The following PPM1H variants were observed in gnomAD, a reference collection of about 807,000 sequenced individuals.
PPM1H encodes protein phosphatase, Mg2+/Mn2+ dependent 1H.
PPM1H carries 27 observed loss-of-function variants against 54.9 expected under a neutral mutation model. The ratio of observed to expected loss-of-function variants is 0.49; its 90% confidence interval spans 0.36 to 0.68. The LOEUF is 0.68. Among genes scored for constraint, PPM1H ranks in the 30% least tolerant of loss-of-function variants. PPM1H has a pLI of 0.00. For missense variants in PPM1H, 596 were observed against 667.8 expected (o/e 0.89, Z 1.19); for synonymous variants, 305 against 270.8 (o/e 1.13, Z -1.24).
At chr12:62,690,180 C>T (rs1415917643) in intron 7 of PPM1H, among the ~76,000 whole-genome samples, 2 of 152,020 alleles carry the variant, frequency 1.3e-5, no homozygotes, top group African/African-American at 2.4e-5. Context: ...ATCGATCCAT[C>T]CATCCATCCA....
At chr12:62,899,712 G>A (rs1871100514) in intron 1 of PPM1H, among the ~76,000 whole-genome samples, 2 of 152,120 alleles carry the variant, frequency 1.3e-5, no homozygotes, top group South Asian at 4.1e-4. Flanking sequence ...AGACAACAAA[G>A]CTCAAACAGC....
chr12:62,726,286 A>T (rs1050322266), intron 5 of PPM1H, among the ~76,000 whole-genome samples: 6 of 152,202 alleles, frequency 3.9e-5, no homozygotes, highest in Non-Finnish European at 8.8e-5. Flanking sequence ...ACTTACGGTT[A>T]TTAGTCTATC....
At chr12:62,662,951 A>G (rs1191450672) in intron 9 of PPM1H, among the ~76,000 whole-genome samples, 1 of 152,172 alleles carries the variant, frequency 6.6e-6, no homozygotes, top group Non-Finnish European at 1.5e-5. Flanking sequence ...ATATATTGGT[A>G]GTTTTCACTT....
chr12:62,811,888 T>G (rs1592611582), intron 2 of PPM1H, among the ~76,000 whole-genome samples: 1 of 152,202 alleles, frequency 6.6e-6, no homozygotes, highest in Non-Finnish European at 1.5e-5. Context: ...AGCGTGAGAA[T>G]AAACTAATAC....
At chr12:62,803,515 C>G (rs985451408) in intron 2 of PPM1H, among the ~76,000 whole-genome samples, 5 of 152,018 alleles carry the variant, frequency 3.3e-5, no homozygotes, top group African/African-American at 1.2e-4. Flanking sequence ...TGAAATTGGG[C>G]CCTATTCTTA....
intron 2 of PPM1H, among the ~76,000 whole-genome samples, chr12:62,827,392 G>A (rs1272603499): frequency 2.0e-5 from 3 of 152,038 alleles, no homozygotes; most frequent in Admixed American, 6.6e-5. Flanking sequence ...ATTTTAAGCC[G>A]TTATCATTTC....
At chr12:62,654,828 G>A (rs2075835503) in intron 9 of PPM1H, among the ~76,000 whole-genome samples, 1 of 152,136 alleles carries the variant, frequency 6.6e-6, no homozygotes, top group Admixed American at 6.5e-5. Context: ...CAGCTGCCCT[G>A]ATCCATGTAC....
intron 1 of PPM1H, among the ~76,000 whole-genome samples, chr12:62,859,455 A>C (rs1428069872): frequency 6.6e-6 from 1 of 152,198 alleles, no homozygotes; most frequent in African/African-American, 2.4e-5. Flanking sequence ...ATTATCTTTA[A>C]TAATAGCACT....
chr12:62,751,425 T>C lies in PPM1H; in HGVS notation c.870-13839A>G, dbSNP rs1374168564. On this transcript the variant is annotated intron_variant, in intron 4 of 9. Coordinates refer to ENST00000228705, the MANE Select transcript of PPM1H (RefSeq NM_020700.2). ...GAGGAACAATCTCATCACACTCGCT[T>C]TCACGCATTTAAAATGGGTTTATTC... Among the ~76,000 whole-genome samples, 4 of 152,226 alleles carry C rather than the reference T, an allele frequency of 2.6e-5. No individual in the cohort carries two copies. The South Asian group carries it at 6.2e-4, about 24-fold the overall frequency.
chr12:62,796,939 T>C (rs887978227), intron 3 of PPM1H, among the ~76,000 whole-genome samples: 5 of 152,144 alleles, frequency 3.3e-5, no homozygotes, highest in African/African-American at 1.2e-4. Flanking sequence ...ACAGACCCCA[T>C]CCAGAAGCTA....
intron 6 of PPM1H, among the ~76,000 whole-genome samples, chr12:62,700,484 C>T (rs1245714174): frequency 6.6e-6 from 1 of 152,208 alleles, no homozygotes; most frequent in Non-Finnish European, 1.5e-5. Flanking sequence ...TCTCAATTTT[C>T]CAGTAACACA....
intron 1 of PPM1H, 120 bp from the exon 2 acceptor site, chr12:62,832,399 G>T: frequency 1.1e-6 from 1 of 895,160 alleles, no homozygotes; most frequent in Non-Finnish European, 1.7e-6. Context: ...CCTGCTTAAT[G>T]CTAAGAACAT....
At chr12:62,863,353 T>C (rs1869670722) in intron 1 of PPM1H, among the ~76,000 whole-genome samples, 1 of 152,174 alleles carries the variant, frequency 6.6e-6, no homozygotes, top group South Asian at 2.1e-4. Context: ...TAAAAATGAT[T>C]ATAACTTTAA....
intron 8 of PPM1H, among the ~76,000 whole-genome samples, chr12:62,674,762 G>A (rs921985124): frequency 1.3e-4 from 20 of 152,210 alleles, no homozygotes; most frequent in African/African-American, 4.8e-4. Context: ...TGCCTTACAC[G>A]AAGAGGAAGC....
intron 6 of PPM1H, among the ~76,000 whole-genome samples, chr12:62,719,145 C>T (rs2076250783): frequency 6.6e-6 from 1 of 152,108 alleles, no homozygotes; most frequent in Non-Finnish European, 1.5e-5. Flanking sequence ...ACCAGAAGCC[C>T]CTTGGCCTCT....
At chr12:62,734,107 C>T (rs547719544) in intron 5 of PPM1H, among the ~76,000 whole-genome samples, 1 of 150,278 alleles carries the variant, frequency 6.7e-6, no homozygotes, top group African/African-American at 2.5e-5. Context: ...CTCCAGGGAG[C>T]ATCCTTGTGC....
chr12:62,820,544 C>T (rs904639006), intron 2 of PPM1H, among the ~76,000 whole-genome samples: 1 of 152,174 alleles, frequency 6.6e-6, no homozygotes, highest in Non-Finnish European at 1.5e-5. Context: ...GACAAAGCTT[C>T]CAGAGGAACG....
At chr12:62,719,138 A>T (rs183556337) in intron 6 of PPM1H, among the ~76,000 whole-genome samples, 245 of 152,342 alleles carry the variant, frequency 1.6e-3, no homozygotes, top group Middle Eastern at 6.8e-3. Context: ...AAGGACAACC[A>T]GAAGCCCCTT....
intron 9 of PPM1H, among the ~76,000 whole-genome samples, chr12:62,650,131 A>G (rs1307598378): frequency 6.6e-6 from 1 of 152,176 alleles, no homozygotes; most frequent in Non-Finnish European, 1.5e-5. Flanking sequence ...GAACTGCATC[A>G]TTGTTACATT....
Sources: allele counts gnomAD v4.1 joint callset (sites outside exome capture counted in the v4.1 genomes callset), GRCh38; gene constraint gnomAD v4.1.1; transcripts MANE v1.5; gene names NCBI Gene and HGNC (gene_info 2026-07-23, HGNC 2026-07-21).